Variants in DPP10 observed in about 807,000 individuals in gnomAD.
The protein encoded by DPP10 is dipeptidyl peptidase like 10, also known as inactive dipeptidyl peptidase 10.
DPP10 carries 33 observed loss-of-function variants against 120.9 expected under a neutral mutation model. The ratio of observed to expected loss-of-function variants is 0.27; its 90% CI spans 0.21 to 0.37. The LOEUF is 0.37. Among genes scored for constraint, DPP10 ranks in the 10% least tolerant of loss-of-function variants. DPP10 has a pLI of 1.00. For synonymous variants in DPP10, 337 were observed against 326.1 expected, an observed-to-expected ratio of 1.03 and a Z score of -0.36; for missense variants, 816 against 942.8, an observed-to-expected ratio of 0.87 and a Z score of 1.76.
At chr2:114,460,181 CT>C (rs1678807519) in intron 1 of DPP10, among the ~76,000 whole-genome samples, 1 of 75,516 alleles carries the variant, frequency 1.3e-5, no homozygotes, top group Non-Finnish European at 3.4e-5. Context: ...ATCTATCTAT[CT>C]ATCTATCTAT....
At chr2:114,930,874 T>C (rs1696018502) in intron 1 of DPP10, among the ~76,000 whole-genome samples, 1 of 152,192 alleles carries the variant, frequency 6.6e-6, no homozygotes, top group African/African-American at 2.4e-5. Flanking sequence ...TCATGGGAAC[T>C]AATAGAGTGA....
chr2:115,640,225 A>T (rs2086667294), intron 5 of DPP10, among the ~76,000 whole-genome samples: 1 of 152,102 alleles, frequency 6.6e-6, no homozygotes, highest in South Asian at 2.1e-4. Flanking sequence ...GTGGATTTCT[A>T]AGAAAAGTCC....
At chr2:114,695,339 A>G (rs999944091) in intron 1 of DPP10, among the ~76,000 whole-genome samples, 1 of 152,100 alleles carries the variant, frequency 6.6e-6, no homozygotes, top group African/African-American at 2.4e-5. Context: ...AACAAATGCC[A>G]TGCAGATCTA....
At chr2:114,869,150 G>A (rs1199974370) in intron 1 of DPP10, among the ~76,000 whole-genome samples, 2 of 152,050 alleles carry the variant, frequency 1.3e-5, no homozygotes, top group Non-Finnish European at 2.9e-5. Flanking sequence ...ATAAAAATAT[G>A]CAATTGGGAA....
chr2:115,522,807 T>G (rs1046379103), intron 4 of DPP10, among the ~76,000 whole-genome samples: 2 of 152,178 alleles, frequency 1.3e-5, no homozygotes, highest in African/African-American at 2.4e-5. Context: ...GAAGGTACTG[T>G]AATAGCATTA....
chr2:114,916,978 G>A (rs1694853360), intron 1 of DPP10, among the ~76,000 whole-genome samples: 1 of 152,128 alleles, frequency 6.6e-6, no homozygotes, highest in Admixed American at 6.5e-5. Context: ...GAATAATCAG[G>A]CAAGAGAAAG....
At chr2:115,517,835 T>C (rs1441620800) in intron 4 of DPP10, among the ~76,000 whole-genome samples, 3 of 152,248 alleles carry the variant, frequency 2.0e-5, no homozygotes, top group African/African-American at 7.2e-5. Context: ...TCTTATCTAC[T>C]AGTTCATTTT....
chr2:115,635,348 C>T (rs1478793622), intron 5 of DPP10, among the ~76,000 whole-genome samples: 1 of 152,122 alleles, frequency 6.6e-6, no homozygotes, highest in African/African-American at 2.4e-5. Context: ...AGGGGGATCT[C>T]CTGATCTATG....
intron 1 of DPP10, among the ~76,000 whole-genome samples, chr2:115,229,118 CTGA>C (rs1268784440): frequency 6.6e-6 from 1 of 152,128 alleles, no homozygotes; most frequent in African/African-American, 2.4e-5. Context: ...TTGCATATCT[CTGA>C]TGATCAGTGA....
intron 8 of DPP10, 58 bp from the exon 9 acceptor site, chr2:115,739,681 G>C: frequency 1.3e-6 from 2 of 1,552,952 alleles, no homozygotes; most frequent in Non-Finnish European, 8.8e-7. Context: ...ACAGATGTTT[G>C]TGGGTCACTG....
At chr2:115,260,588 T>G (rs1376703025) in intron 1 of DPP10, among the ~76,000 whole-genome samples, 1 of 152,214 alleles carries the variant, frequency 6.6e-6, no homozygotes, top group Non-Finnish European at 1.5e-5. Flanking sequence ...TCCTTGAGTG[T>G]AAGTTACTCT....
At chr2:115,112,023 ACAGGATTTGGAGCTTTTTAAAAT>A (rs1239965543) in intron 1 of DPP10, among the ~76,000 whole-genome samples, 2 of 152,160 alleles carry the variant, frequency 1.3e-5, no homozygotes, top group African/African-American at 4.8e-5. Context: ...CTGAAACTTC[ACAGGATTTGGAGCTTTTTAAAAT>A]TCTAATCAGC....
intron 1 of DPP10, among the ~76,000 whole-genome samples, chr2:114,776,487 C>T (rs899013064): frequency 7.2e-5 from 11 of 152,120 alleles, no homozygotes; most frequent in Non-Finnish European, 1.0e-4. Flanking sequence ...ATGCAATCTC[C>T]GTTATCAGGC....
intron 5 of DPP10, among the ~76,000 whole-genome samples, chr2:115,590,155 T>G (rs1231301569): frequency 1.3e-4 from 1 of 7,668 alleles, no homozygotes; most frequent in African/African-American, 2.3e-4. Context: ...GTTTTCTTTA[T>G]TATTATTATT....
intron 1 of DPP10, among the ~76,000 whole-genome samples, chr2:115,237,638 A>G (rs928146003): frequency 5.9e-5 from 9 of 152,332 alleles, no homozygotes; most frequent in Middle Eastern, 6.8e-3. Flanking sequence ...GTGAATGCAA[A>G]GGAAAACTTC....
intron 1 of DPP10, among the ~76,000 whole-genome samples, chr2:114,497,624 TAATC>T (rs1012681983): frequency 2.0e-5 from 3 of 152,134 alleles, no homozygotes; most frequent in African/African-American, 7.2e-5. Flanking sequence ...TCTCATTTAA[TAATC>T]CCAACAGCCT....
At chr2:115,474,179 A>AG (rs1313475841) in intron 3 of DPP10, among the ~76,000 whole-genome samples, 1 of 594 alleles carries the variant, frequency 1.7e-3, no homozygotes, top group East Asian at 0.25. Context: ...TCATAATCAC[A>AG]AAGGGAAATT....
chr2:114,827,370 A>G (rs1270749477), intron 1 of DPP10, among the ~76,000 whole-genome samples: 1 of 151,934 alleles, frequency 6.6e-6, no homozygotes, highest in East Asian at 1.9e-4. Context: ...TGTAGGAGAA[A>G]GACAACTGTA....
At chr2:115,020,273 C>T (rs1702975635) in intron 1 of DPP10, among the ~76,000 whole-genome samples, 1 of 152,086 alleles carries the variant, frequency 6.6e-6, no homozygotes, top group Non-Finnish European at 1.5e-5. Context: ...ACTCACCTAA[C>T]ACATAAGGAC....
Sources: allele counts gnomAD v4.1 joint callset (sites outside exome capture counted in the v4.1 genomes callset), GRCh38; gene constraint gnomAD v4.1.1; transcripts MANE v1.5; gene names NCBI Gene and HGNC (gene_info 2026-07-23, HGNC 2026-07-21).